Variants in ZBTB7C observed in about 807,000 individuals in gnomAD.
ZBTB7C encodes zinc finger and BTB domain-containing protein 7C.
In ZBTB7C, 8 loss-of-function variants were observed where a neutral mutation model predicts 25.7. The ratio of observed to expected loss-of-function variants is 0.31; its 90% CI spans 0.18 to 0.56. ZBTB7C has a LOEUF of 0.56. ZBTB7C is among the 20% of genes least tolerant of loss of function. The pLI, the probability that ZBTB7C is intolerant of heterozygous loss-of-function variation, is 0.91. For missense variants in ZBTB7C, 824 were observed against 855.2 expected (o/e 0.96, Z 0.46); for synonymous variants, 394 against 369.0 (o/e 1.07, Z -0.78).
chr18:48,061,675 C>T (rs1294037279), intron 3 of ZBTB7C, among the ~76,000 whole-genome samples: 1 of 152,178 alleles, frequency 6.6e-6, no homozygotes, highest in Non-Finnish European at 1.5e-5. Context: ...AAGCAGGGTC[C>T]CATGACATAT....
chr18:48,156,468 C>T (rs4940298), intron 3 of ZBTB7C, among the ~76,000 whole-genome samples: 21,757 of 152,224 alleles, frequency 0.14, 1,740 homozygotes, highest in South Asian at 0.24. Context: ...TAGAGCTTGT[C>T]TGTGAAGGAA....
chr18:48,086,880 CT>C (rs2038210475), intron 3 of ZBTB7C, among the ~76,000 whole-genome samples: 1 of 152,158 alleles, frequency 6.6e-6, no homozygotes, highest in South Asian at 2.1e-4. Flanking sequence ...TGGAGTGGGC[CT>C]TGTTATTCCC....
At chr18:48,132,996 A>G (rs8085875) in intron 3 of ZBTB7C, among the ~76,000 whole-genome samples, 131,935 of 152,242 alleles carry the variant, frequency 0.87, 57,466 homozygotes, top group African/African-American at 0.95. Context: ...GACATAGATC[A>G]TGTGCCGTAT....
chr18:48,175,182 TA>T (rs1170076818), intron 3 of ZBTB7C, among the ~76,000 whole-genome samples: 1 of 152,112 alleles, frequency 6.6e-6, no homozygotes, highest in Non-Finnish European at 1.5e-5. Flanking sequence ...ATAAATACTA[TA>T]ACCACACTGA....
chr18:48,116,899 G>A (rs1374343983), intron 3 of ZBTB7C, among the ~76,000 whole-genome samples: 1 of 152,164 alleles, frequency 6.6e-6, no homozygotes, highest in Non-Finnish European at 1.5e-5. Context: ...TCTGCCCTGT[G>A]CATAAGGGCA....
chr18:48,197,151 A>C (rs2042336919), intron 2 of ZBTB7C, among the ~76,000 whole-genome samples: 1 of 152,144 alleles, frequency 6.6e-6, no homozygotes, highest in South Asian at 2.1e-4. Flanking sequence ...GAGCTGCTAC[A>C]GCCATTTTGT....
At chr18:48,277,460 C>G (rs146792587) in intron 2 of ZBTB7C, among the ~76,000 whole-genome samples, 1 of 152,292 alleles carries the variant, frequency 6.6e-6, no homozygotes, top group East Asian at 1.9e-4. Context: ...CCATCTCACA[C>G]CAGTCCTAAG....
At chr18:48,123,643 G>A (rs2039702962) in intron 3 of ZBTB7C, among the ~76,000 whole-genome samples, 1 of 150,310 alleles carries the variant, frequency 6.7e-6, no homozygotes, top group Non-Finnish European at 1.5e-5. Flanking sequence ...CTGCTTCCTG[G>A]TCGGCTGCCC....
At chr18:48,274,079 A>G (rs2044571854) in intron 2 of ZBTB7C, among the ~76,000 whole-genome samples, 1 of 152,208 alleles carries the variant, frequency 6.6e-6, no homozygotes, top group Non-Finnish European at 1.5e-5. Context: ...TTCATGATAC[A>G]TGTGTAAAGG....
At position 48,137,367 on chromosome 18, in the gene ZBTB7C, T is replaced by C. The variant is rs958779141; in HGVS notation, c.-17+48567A>G. ...GGCAAGGGCGGTGGAGGAGCTTTTC[T>C]TTTCCCCTCTTTTCTTCCGGGTTCC... On this transcript the variant is annotated intron_variant, in intron 3 of 4. Coordinates refer to ENST00000590800, the MANE Select transcript of ZBTB7C (RefSeq NM_001318841.2). 3 of 977,386 alleles carry C rather than the reference T, an allele frequency of 3.1e-6. No homozygotes were observed. The African/African-American group carries it at 5.3e-5, about 17-fold the overall frequency. The allele number at this position is 977,386 out of a possible 1,614,324, so 60.5% of individuals were successfully genotyped here. A position where few individuals can be genotyped will look rare whatever the true frequency, so the allele number is the denominator to read the frequency against.
chr18:48,386,027 A>G (rs1275600794), intron 1 of ZBTB7C, among the ~76,000 whole-genome samples: 1 of 152,002 alleles, frequency 6.6e-6, no homozygotes, highest in African/African-American at 2.4e-5. Context: ...CCTAATCTCC[A>G]CCTTTTCTGG....
intron 3 of ZBTB7C, chr18:48,180,517 T>C (rs2145096911): frequency 2.8e-6 from 1 of 360,696 alleles, no homozygotes; most frequent in East Asian, 8.1e-5. Context: ...GGGTGGTGTT[T>C]GGGAGGGATG....
chr18:48,109,544 C>T (rs573975151), intron 3 of ZBTB7C, among the ~76,000 whole-genome samples: 17 of 152,146 alleles, frequency 1.1e-4, no homozygotes, highest in African/African-American at 2.7e-4. Context: ...AAAATGCTTA[C>T]GAAGATGAGC....
At chr18:48,363,268 T>A (rs1033463845) in intron 1 of ZBTB7C, among the ~76,000 whole-genome samples, 2 of 152,092 alleles carry the variant, frequency 1.3e-5, no homozygotes, top group South Asian at 4.1e-4. Context: ...GGTGGCCTTT[T>A]AAGAATGAAT....
intron 1 of ZBTB7C, among the ~76,000 whole-genome samples, chr18:48,371,167 C>G (rs7241290): frequency 8.1e-4 from 123 of 152,092 alleles, no homozygotes; most frequent in Non-Finnish European, 1.6e-3. Context: ...AGCCTACACT[C>G]AATACCCAAA....
At chr18:48,060,314 G>T (rs1246496723) in intron 3 of ZBTB7C, among the ~76,000 whole-genome samples, 3 of 152,180 alleles carry the variant, frequency 2.0e-5, no homozygotes, top group Admixed American at 6.5e-5. Flanking sequence ...GGGCATGCAG[G>T]GAGCGGGGAT....
At chr18:48,047,802 C>T (rs1376347988) in intron 3 of ZBTB7C, among the ~76,000 whole-genome samples, 3 of 152,204 alleles carry the variant, frequency 2.0e-5, no homozygotes, top group Non-Finnish European at 2.9e-5. Context: ...CCACTTGTCA[C>T]GTCAGTCATC....
At chr18:48,276,187 AC>A (rs767557559) in intron 2 of ZBTB7C, among the ~76,000 whole-genome samples, 28 of 148,106 alleles carry the variant, frequency 1.9e-4, no homozygotes, top group Non-Finnish European at 3.0e-4. Flanking sequence ...ATGAAAAACA[AC>A]CCTCTTCATT....
At chr18:48,192,148 A>T (rs1486563357) in intron 2 of ZBTB7C, among the ~76,000 whole-genome samples, 2 of 152,244 alleles carry the variant, frequency 1.3e-5, no homozygotes, top group African/African-American at 4.8e-5. Context: ...ACAGAAAGAT[A>T]TGGAGGAAAC....
Sources: gnomAD v4.1 joint callset for allele counts (sites outside exome capture counted in the v4.1 genomes callset) on GRCh38, gnomAD v4.1.1 for gene constraint, MANE v1.5 for transcripts, NCBI Gene and HGNC (gene_info 2026-07-23, HGNC 2026-07-21) for gene names.